Variants in PARVB observed in about 807,000 individuals in gnomAD.
PARVB encodes the protein parvin beta, also known as beta-parvin.
PARVB carries 46 observed loss-of-function variants against 47.0 expected under a neutral mutation model. The observed-to-expected ratio is 0.98, with a 90% CI of 0.77 to 1.25. The LOEUF (loss-of-function observed/expected upper bound fraction) is 1.25, where lower values mean the gene tolerates loss of function less well. PARVB is among the 50% of genes most tolerant of loss of function. The pLI is 0.00. For missense variants in PARVB, 473 were observed against 471.6 expected, an observed-to-expected ratio of 1.00 and a Z score of -0.03; for synonymous variants, 196 against 196.3, an observed-to-expected ratio of 1.00 and a Z score of 0.01.
In PARVB at chr22:44,147,875, GAC is replaced by G; in HGVS notation, c.730_731del (p.Thr244AlafsTer8). 2 of 1,614,046 alleles carry G rather than the reference GAC, an allele frequency of 1.2e-6. No homozygotes were observed. The highest frequency in any genetic ancestry group is 1.7e-6 in the Non-Finnish European group (2 of 1,179,978). On this transcript the variant is annotated frameshift_variant, in exon 9 of 13. Transcript: ENST00000338758. LOFTEE classifies it high-confidence loss of function. ...MMGRFERDAF[D>X]TLFDHAPDKL... ...CATGTCCTCAGAGCGGGATGCCTTC[GAC>G]ACGCTGTTCGACCACGCCCCGGATA...
intron 12 of PARVB, among the ~76,000 whole-genome samples, chr22:44,166,944 G>A (rs187800113): frequency 1.1e-4 from 17 of 152,288 alleles, no homozygotes; most frequent in African/African-American, 3.6e-4. Context: ...AGACTTACCC[G>A]GGTACCCAGG....
chr22:44,109,041 G>A (rs950233986), intron 3 of PARVB: 2 of 151,876 alleles, frequency 1.3e-5, no homozygotes, highest in African/African-American at 2.4e-5. Flanking sequence ...CTCATTCCCC[G>A]GTTGATTGGA....
chr22:44,137,130 AAAAT>A (rs1191290765), intron 7 of PARVB, among the ~76,000 whole-genome samples: 1 of 152,234 alleles, frequency 6.6e-6, no homozygotes, highest in Non-Finnish European at 1.5e-5. Flanking sequence ...AGAACATTTA[AAAAT>A]TGATTGTCTC....
chr22:44,075,061 C>G (rs2146989293), intron 1 of PARVB, among the ~76,000 whole-genome samples: 1 of 152,304 alleles, frequency 6.6e-6, no homozygotes, highest in East Asian at 1.9e-4. Flanking sequence ...TTGTGACAAC[C>G]CAAAGTGTCT....
chr22:44,032,142 A>G (rs1179119246), intron 1 of PARVB, among the ~76,000 whole-genome samples: 4 of 152,200 alleles, frequency 2.6e-5, no homozygotes, highest in Non-Finnish European at 5.9e-5. Context: ...GGCGGACACA[A>G]TGCAATCAAT....
rs1281093642 is a variant in PARVB at position 44,089,154 on chromosome 22, A to T, written c.113-4774A>T. 6.6e-6 allele frequency among the ~76,000 whole-genome samples: 1 copy of T among 151,822 alleles called. No individual in the cohort carries two copies. The highest frequency in any genetic ancestry group is 1.5e-5 in the Non-Finnish European group (1 of 67,984). ...AATGCCCTCCTGTCTCTCTCTTCCT[A>T]CCTGGCCCCCCGTGCAGGCCACAGA... On this transcript the variant is annotated intron_variant, in intron 1 of 12. Coordinates refer to ENST00000338758, the MANE Select transcript of PARVB (RefSeq NM_013327.5). This position sits in a 1 kb window ranked among gnomAD's most constrained non-coding sequence, Gnocchi z 4.0.
intron 1 of PARVB, among the ~76,000 whole-genome samples, chr22:44,064,964 G>T (rs1170980853): frequency 3.3e-5 from 5 of 152,206 alleles, no homozygotes; most frequent in Admixed American, 2.0e-4. Context: ...TTGGTTGATT[G>T]TATGAAACCA....
chr22:44,031,483 C>T (rs370233985), intron 1 of PARVB: 1 of 151,820 alleles, frequency 6.6e-6, no homozygotes, highest in Non-Finnish European at 1.5e-5. Context: ...TAAGAGCTGT[C>T]GGAAACTCTG....
At chr22:44,064,342 G>C (rs1311091810) in intron 1 of PARVB, among the ~76,000 whole-genome samples, 1 of 152,234 alleles carries the variant, frequency 6.6e-6, no homozygotes, top group Non-Finnish European at 1.5e-5. Context: ...GTGCCCAGGT[G>C]GAGGCAATGT....
chr22:44,152,985 C>T (rs912618104), intron 10 of PARVB: 6 of 152,298 alleles, frequency 3.9e-5, no homozygotes, highest in East Asian at 1.9e-4. Context: ...TCCCGTCACC[C>T]GGAGATGAAT....
chr22:44,127,192 C>T (rs2053204504), intron 4 of PARVB, among the ~76,000 whole-genome samples: 1 of 151,970 alleles, frequency 6.6e-6, no homozygotes, highest in Non-Finnish European at 1.5e-5. Flanking sequence ...ATCACATAAG[C>T]ACTTGAGAAG....
At chr22:44,109,663 A>C (rs1002145625) in intron 3 of PARVB, 1 of 152,108 alleles carries the variant, frequency 6.6e-6, no homozygotes, top group Admixed American at 6.6e-5. Context: ...GCTGCATGGA[A>C]TTTGATTTTA....
chr22:44,154,534 G>T (rs867329899), intron 10 of PARVB, among the ~76,000 whole-genome samples: 45 of 145,006 alleles, frequency 3.1e-4, no homozygotes, highest in African/African-American at 5.3e-4. Flanking sequence ...TAGTCTGGTG[G>T]GTGTGTGTGT....
At chr22:44,139,080 C>G (rs555473936) in intron 7 of PARVB, 6 of 152,282 alleles carry the variant, frequency 3.9e-5, no homozygotes, top group African/African-American at 1.4e-4. Flanking sequence ...CTTCCGCTGC[C>G]GCCTGCCTGA....
intron 1 of PARVB, among the ~76,000 whole-genome samples, chr22:44,092,511 A>T (rs2052194818): frequency 6.6e-6 from 1 of 152,002 alleles, no homozygotes; most frequent in Non-Finnish European, 1.5e-5. Flanking sequence ...CTTTGCTGAC[A>T]TGAGAGGAGC....
At chr22:44,159,831 G>T (rs1244035226) in intron 11 of PARVB, among the ~76,000 whole-genome samples, 1 of 152,152 alleles carries the variant, frequency 6.6e-6, no homozygotes, top group Non-Finnish European at 1.5e-5. Flanking sequence ...ATGGGATGTT[G>T]ATGGCATCCC....
intron 4 of PARVB, among the ~76,000 whole-genome samples, chr22:44,124,095 A>T (rs2053133716): frequency 6.6e-6 from 1 of 152,222 alleles, no homozygotes; most frequent in South Asian, 2.1e-4. Flanking sequence ...CAATGAAAGA[A>T]TTCCTGCAGT....
chr22:44,032,503 T>C (rs544380644), intron 1 of PARVB, among the ~76,000 whole-genome samples: 1 of 152,272 alleles, frequency 6.6e-6, no homozygotes, highest in East Asian at 1.9e-4. Flanking sequence ...GCCCTGGTTC[T>C]GAGAATGCCC....
intron 4 of PARVB, among the ~76,000 whole-genome samples, chr22:44,123,797 T>C (rs1265682959): frequency 6.6e-6 from 1 of 152,084 alleles, no homozygotes; most frequent in Non-Finnish European, 1.5e-5. Flanking sequence ...TCCCAAAGTG[T>C]GGGGTTTATA....
Sources: allele counts gnomAD v4.1 joint callset (sites outside exome capture counted in the v4.1 genomes callset), GRCh38; gene constraint gnomAD v4.1.1; non-coding constraint Gnocchi (gnomAD v3.1); transcripts MANE v1.5; gene names NCBI Gene and HGNC (gene_info 2026-07-23, HGNC 2026-07-21).